The following ARID2 variants were observed in gnomAD, a reference collection of about 807,000 sequenced individuals.
ARID2 encodes the protein AT-rich interaction domain 2, also known as AT-rich interactive domain-containing protein 2.
Under a neutral mutation model 184.6 loss-of-function variants are expected in ARID2, and 32 were observed. The observed-to-expected ratio is 0.17, with a 90% CI of 0.13 to 0.23. The LOEUF is 0.23. ARID2 is among the 10% of genes least tolerant of loss of function. ARID2 has a pLI of 1.00. For synonymous variants in ARID2, 836 were observed against 772.6 expected, an observed-to-expected ratio of 1.08 and a Z score of -1.36; for missense variants, 1,696 against 2,197.6, an observed-to-expected ratio of 0.77 and a Z score of 4.56.
intron 3 of ARID2, among the ~76,000 whole-genome samples, chr12:45,766,625 T>G (rs1245753930): frequency 6.6e-6 from 1 of 151,236 alleles, no homozygotes; most frequent in African/African-American, 2.4e-5. Context: ...GCCCTTCTCC[T>G]GCCTCAGCCT....
chr12:45,814,863 C>A (rs1025976300), intron 4 of ARID2, among the ~76,000 whole-genome samples: 1 of 152,118 alleles, frequency 6.6e-6, no homozygotes, highest in African/African-American at 2.4e-5. Context: ...ATGAAGCAGA[C>A]TTTGCTGTTA....
In ARID2 at chr12:45,784,798, C is replaced by T. The variant is rs561812434; in HGVS notation, c.285-26620C>T. Among the ~76,000 whole-genome samples the T allele has an allele frequency of 9.2e-5, 14 of 152,246 alleles. No individual in the cohort carries two copies. The South Asian group carries it at 1.0e-3, about 11-fold the overall frequency. On this transcript the variant is annotated intron_variant, in intron 3 of 20. Coordinates refer to ENST00000334344, the MANE Select transcript of ARID2 (RefSeq NM_152641.4). ...TGACTAATTCCAGGCAGACCACATA[C>T]GAAGAAAATATTATTTATATTTAAA...
rs2138168574 is a variant in ARID2, at chr12:45,851,176, C to T, written c.3053C>T (p.Ser1018Leu). ...AAAAGGCAGCAACAGCAGCAACATT[C>T]ACCAGCACCCCCACCACAGCAGGTA... Reference protein sequence around the residue: ...SVKRQQQQQHSPAPPPQQVQV... With the variant: ...SVKRQQQQQHLPAPPPQQVQV... Residue 1018 changes from serine (S) to leucine (L), a missense_variant, in exon 15 of 21, where the codon TCA becomes TTA. Physicochemically the swap from Ser to Leu is moderately radical, Grantham distance 145 (BLOSUM62 -2). This residue lies in a region of ARID2 where 713 missense variants were observed against 824.4 expected (regional missense o/e 0.86). Coordinates refer to ENST00000334344, the MANE Select transcript of ARID2 (RefSeq NM_152641.4). 6.2e-7 allele frequency: 1 copy of T among 1,614,108 alleles called. No individual in the cohort carries two copies. The highest frequency in any genetic ancestry group is 8.5e-7 in the Non-Finnish European group (1 of 1,179,998).
At position 45,892,077 on chromosome 12, in the gene ARID2, A is replaced by G; in HGVS notation, c.5128A>G (p.Ser1710Gly). 1 of 1,614,014 alleles carries G rather than the reference A, an allele frequency of 6.2e-7. No individual in the cohort carries two copies. Residue 1710 changes from serine to glycine, a missense_variant, in exon 18 of 21, where the codon AGT becomes GGT. This residue lies in a region of ARID2 where 58 missense variants were observed against 47.1 expected (regional missense o/e 1.23). Coordinates refer to ENST00000334344, the MANE Select transcript of ARID2 (RefSeq NM_152641.4). ...ACAAGATGAACCAGGACAAGCAGGAAGTCAGAAGTCTTCTACCAAGTAAGG... is the reference window on the plus strand; with the variant it reads ...ACAAGATGAACCAGGACAAGCAGGAGGTCAGAAGTCTTCTACCAAGTAAGG... The part of the protein sequence containing the change: ...LKQDEPGQAG[S>G]QKSSTKQPTV...
At position 45,799,341 on chromosome 12, in the gene ARID2, CT is replaced by C. The variant is rs751000442; in HGVS notation, c.285-12073del. Among the ~76,000 whole-genome samples the C allele has an allele frequency of 6.2e-4, 95 of 152,252 alleles. 1 individual carries two copies. Among genetic ancestry groups the C allele is most frequent in the Admixed American group, 1.5e-3 (23 of 15,292 alleles). On this transcript the variant is annotated intron_variant, in intron 3 of 20. Coordinates refer to ENST00000334344, the MANE Select transcript of ARID2 (RefSeq NM_152641.4). ...TAGATTCAGTTTATTTTGATACTTG[CT>C]TTTCCTCAGTGGAAGAACAATACAT... is the stretch of plus-strand genomic sequence containing the variant.
intron 15 of ARID2, among the ~76,000 whole-genome samples, chr12:45,854,694 C>T (rs1943613371): frequency 6.6e-6 from 1 of 152,176 alleles, no homozygotes; most frequent in African/African-American, 2.4e-5. Context: ...AACTCCATCT[C>T]CATCATTATG....
chr12:45,879,391 T>G (rs1219723067), intron 16 of ARID2, among the ~76,000 whole-genome samples: 1 of 152,234 alleles, frequency 6.6e-6, no homozygotes, highest in Admixed American at 6.5e-5. Flanking sequence ...GGAGAAATTT[T>G]TCTTCAGTCT....
intron 11 of ARID2, among the ~76,000 whole-genome samples, chr12:45,843,873 T>C (rs987795565): frequency 6.6e-6 from 1 of 152,214 alleles, no homozygotes; most frequent in African/African-American, 2.4e-5. Context: ...GCTCTTTTTG[T>C]TACTTAGAAA....
rs760977378 is a variant in ARID2 at position 45,817,811 on chromosome 12, G to C, written c.560G>C (p.Ser187Thr). 25 of 1,613,214 alleles carry C rather than the reference G, an allele frequency of 1.5e-5. No individual in the cohort carries two copies. The African/African-American group carries it at 2.5e-4, about 16-fold the overall frequency. ...INVCTLLSNE[S>T]KHVMQLEKDP... Reference sequence around the variant, plus strand: ...GTATGCACTCTCCTATCAAATGAAAGCAAGCACGTCATGCAACTTGAAAAA... The same window carrying C: ...GTATGCACTCTCCTATCAAATGAAACCAAGCACGTCATGCAACTTGAAAAA... The change falls in exon 5 of 21, where the codon AGC becomes ACC. Residue 187 changes from serine to threonine, a missense_variant. By Grantham distance (58) the Ser-to-Thr change is moderately conservative (BLOSUM62 1). Coordinates refer to ENST00000334344, the MANE Select transcript of ARID2 (RefSeq NM_152641.4).
chr12:45,820,214 ATCTGTTCTT>A (rs1942875244), intron 5 of ARID2, among the ~76,000 whole-genome samples: 1 of 152,186 alleles, frequency 6.6e-6, no homozygotes, highest in Non-Finnish European at 1.5e-5. Flanking sequence ...AAACATTTAC[ATCTGTTCTT>A]TATATTATTT....
At chr12:45,746,852 C>T (rs960861941) in intron 3 of ARID2, among the ~76,000 whole-genome samples, 9 of 152,274 alleles carry the variant, frequency 5.9e-5, no homozygotes, top group South Asian at 4.1e-4. Context: ...CTGCAAGCTC[C>T]GCCTTCCGGG....
intron 16 of ARID2, among the ~76,000 whole-genome samples, chr12:45,877,182 G>T (rs547136310): frequency 6.6e-6 from 1 of 152,132 alleles, no homozygotes; most frequent in South Asian, 2.1e-4. Flanking sequence ...ACAGGTACTG[G>T]TCCGTGGCCT....
rs930473740 is a variant in ARID2 at position 45,856,067 on chromosome 12, C to CTTTTTTTTTTTTTTTTTTTTTTT, written c.4773+3174_4773+3196dup. ...ATGTACTCTTTTTCTTTCTTCTTTT[C>CTTTTTTTTTTTTTTTTTTTTTTT]TTTTTTTTTTTTTTTTTTTTTTTTT... On this transcript the variant is annotated intron_variant, in intron 15 of 20. Coordinates refer to ENST00000334344, the MANE Select transcript of ARID2 (RefSeq NM_152641.4). 1.6e-4 allele frequency among the ~76,000 whole-genome samples: 12 copies of CTTTTTTTTTTTTTTTTTTTTTTT among 74,616 alleles called. 1 individual carries two copies. Among genetic ancestry groups the CTTTTTTTTTTTTTTTTTTTTTTT allele is most frequent in the Non-Finnish European group, 2.6e-4 (10 of 38,798 alleles). 49.0% of individuals were successfully genotyped at this position (74,616 alleles called of 152,430 possible).
Position 45,848,847 on chromosome 12 carries a change from A to G in ARID2, c.1592A>G (p.His531Arg). Residue 531 changes from histidine (H) to arginine (R), a missense_variant, in exon 13 of 21, where the codon CAT becomes CGT. This residue lies in a region of ARID2 where 713 missense variants were observed against 824.4 expected (regional missense o/e 0.86). Coordinates refer to ENST00000334344, the MANE Select transcript of ARID2 (RefSeq NM_152641.4). ...TTCTCCTCTTTTAGGCTAAATGCTCATTTTGAAGTAAATCCAGATTGTTCT... is the reference window on the plus strand; with the variant it reads ...TTCTCCTCTTTTAGGCTAAATGCTCGTTTTGAAGTAAATCCAGATTGTTCT... ...EKFACQWLNA[H>R]FEVNPDCSVS... The G allele has an allele frequency of 1.2e-6, 2 of 1,611,278 alleles. No homozygotes were observed. Among genetic ancestry groups the G allele is most frequent in the Non-Finnish European group, 1.7e-6 (2 of 1,178,438 alleles).
chr12:45,849,790 T>A lies in ARID2; in HGVS notation c.1912+14T>A. The A allele has an allele frequency of 6.2e-7, 1 of 1,601,832 alleles. No individual in the cohort carries two copies. The highest frequency in any genetic ancestry group is 8.5e-7 in the Non-Finnish European group (1 of 1,173,570). ...CTTCACCTGCAGGTGTTAATTTTTA[T>A]TGTATTTTTAAAGTATTACTGATTT... On this transcript the variant is annotated intron_variant, in intron 14 of 20. Coordinates refer to ENST00000334344, the MANE Select transcript of ARID2 (RefSeq NM_152641.4).
chr12:45,759,587 G>A (rs1163331309), intron 3 of ARID2, among the ~76,000 whole-genome samples: 1 of 152,044 alleles, frequency 6.6e-6, no homozygotes, highest in Non-Finnish European at 1.5e-5. Context: ...AGGAAAATAT[G>A]TATATTCAGC....
At chr12:45,874,668 A>G (rs1354426816) in intron 16 of ARID2, among the ~76,000 whole-genome samples, 1 of 152,226 alleles carries the variant, frequency 6.6e-6, no homozygotes, top group Non-Finnish European at 1.5e-5. Context: ...AATTTCTTCC[A>G]TACTCCTGCT....
chr12:45,751,630 A>G lies in ARID2; in HGVS notation c.284+20316A>G, dbSNP rs1941466674. On this transcript the variant is annotated intron_variant, in intron 3 of 20. Coordinates refer to ENST00000334344, the MANE Select transcript of ARID2 (RefSeq NM_152641.4). ...AAATGGGTTGTAAGGTGATTTCTTCATTGTTTGAACAACGTAGAGTGTACT... is the reference window on the plus strand; with the variant it reads ...AAATGGGTTGTAAGGTGATTTCTTCGTTGTTTGAACAACGTAGAGTGTACT... 7.2e-5 allele frequency among the ~76,000 whole-genome samples: 11 copies of G among 152,204 alleles called. No homozygotes were observed. The South Asian group carries it at 2.1e-3, about 29-fold the overall frequency.
At chr12:45,837,445 C>A (rs2138131015) in intron 9 of ARID2, 28 bp downstream of exon 9, 1 of 1,606,232 alleles carries the variant, frequency 6.2e-7, no homozygotes, top group Non-Finnish European at 8.5e-7. Context: ...TATTTACTTT[C>A]TAAAGTAAAC....
Sources: allele counts gnomAD v4.1 joint callset (sites outside exome capture counted in the v4.1 genomes callset), GRCh38; gene constraint gnomAD v4.1.1; regional missense constraint gnomAD v4.1.1; transcripts MANE v1.5; gene names NCBI Gene and HGNC (gene_info 2026-07-23, HGNC 2026-07-21).